The following LMTK2 variants were observed in gnomAD, a reference collection of about 807,000 sequenced individuals.
LMTK2 encodes the protein serine/threonine-protein kinase LMTK2.
LMTK2 carries 37 observed loss-of-function variants against 127.5 expected under a neutral mutation model. The ratio of observed to expected loss-of-function variants is 0.29; its 90% CI spans 0.22 to 0.38. The LOEUF is 0.38. Ranked by LOEUF, LMTK2 falls within the 10% of genes least tolerant of loss-of-function variation. The pLI, the probability that LMTK2 is intolerant of heterozygous loss-of-function variation, is 1.00. For missense variants in LMTK2, 1,694 were observed against 1,920.3 expected, an observed-to-expected ratio of 0.88 and a Z score of 2.20; for synonymous variants, 819 against 810.1, an observed-to-expected ratio of 1.01 and a Z score of -0.19.
intron 1 of LMTK2, among the ~76,000 whole-genome samples, chr7:98,126,947 C>T (rs866143419): frequency 6.6e-5 from 10 of 152,074 alleles, no homozygotes; most frequent in Non-Finnish European, 1.0e-4. Flanking sequence ...GATTCATGAA[C>T]GAGATCATCA....
intron 7 of LMTK2, among the ~76,000 whole-genome samples, chr7:98,176,627 T>C (rs999847485): frequency 8.5e-5 from 13 of 152,090 alleles, no homozygotes; most frequent in Non-Finnish European, 2.9e-5. Flanking sequence ...GGCAGATCAC[T>C]TGAGGTCAGG....
intron 6 of LMTK2, among the ~76,000 whole-genome samples, chr7:98,164,698 G>C (rs894831402): frequency 6.6e-6 from 1 of 152,188 alleles, no homozygotes; most frequent in African/African-American, 2.4e-5. Flanking sequence ...AGGGGATGCT[G>C]TGCCCTGGTG....
At chr7:98,114,663 C>T (rs1402863864) in intron 1 of LMTK2, among the ~76,000 whole-genome samples, 6 of 152,150 alleles carry the variant, frequency 3.9e-5, no homozygotes, top group African/African-American at 7.2e-5. Context: ...ACGGTCGCAT[C>T]GGGGTGTCTG....
At chr7:98,205,373 C>T in intron 13 of LMTK2, 91 bp from the exon 14 acceptor site, 1 of 1,489,116 alleles carries the variant, frequency 6.7e-7, no homozygotes, top group South Asian at 1.1e-5. Flanking sequence ...GCTTCCGTTC[C>T]TGTGGTGCAG....
rs942974779 is a variant in LMTK2 at position 98,204,196 on chromosome 7, G to A, written c.4483+10G>A. 6.2e-6 allele frequency: 10 copies of A among 1,601,640 alleles called. No individual in the cohort carries two copies. Among genetic ancestry groups the A allele is most frequent in the African/African-American group, 4.0e-5 (3 of 74,852 alleles). On this transcript the variant is annotated intron_variant, in intron 13 of 13. Coordinates refer to ENST00000297293, the MANE Select transcript of LMTK2 (RefSeq NM_014916.4). Reference sequence around the variant, plus strand: ...GACATCGAGCAGGGCGGTGAGAGGCGCTGCGTGCTGGGGATTGGGAGTGCA... The same window carrying A: ...GACATCGAGCAGGGCGGTGAGAGGCACTGCGTGCTGGGGATTGGGAGTGCA...
intron 10 of LMTK2, 129 bp downstream of exon 10, chr7:98,191,006 T>C: frequency 1.1e-6 from 1 of 887,626 alleles, no homozygotes; most frequent in South Asian, 1.7e-5. Flanking sequence ...CACCATGAGC[T>C]GAACTACTTA....
intron 7 of LMTK2, among the ~76,000 whole-genome samples, chr7:98,180,708 A>G (rs1424170780): frequency 6.6e-6 from 1 of 152,232 alleles, no homozygotes; most frequent in Admixed American, 6.5e-5. Flanking sequence ...AACATTTTTA[A>G]TAATGTGGAT....
chr7:98,167,697 T>A (rs563427989), intron 6 of LMTK2, among the ~76,000 whole-genome samples: 1 of 151,888 alleles, frequency 6.6e-6, no homozygotes, highest in South Asian at 2.1e-4. Context: ...GGAAGTTGAG[T>A]CAGGAGATGA....
intron 3 of LMTK2, among the ~76,000 whole-genome samples, chr7:98,147,777 AC>A (rs1321796856): frequency 6.6e-6 from 1 of 152,308 alleles, no homozygotes; most frequent in Admixed American, 6.5e-5. Context: ...GGAACACTTA[AC>A]TGTGCTTTTC....
intron 7 of LMTK2, among the ~76,000 whole-genome samples, chr7:98,173,514 C>G (rs1308238714): frequency 6.6e-6 from 1 of 151,924 alleles, no homozygotes; most frequent in African/African-American, 2.4e-5. Context: ...TATAGGAATT[C>G]TTAAATTTTG....
At chr7:98,154,641 A>T in intron 4 of LMTK2, 117 bp from the exon 5 acceptor site, 1 of 670,588 alleles carries the variant, frequency 1.5e-6, no homozygotes, top group Admixed American at 2.6e-5. Context: ...GTAAAAGAAT[A>T]GAAGGTCACC....
intron 1 of LMTK2, among the ~76,000 whole-genome samples, chr7:98,124,195 C>T (rs1796410062): frequency 6.6e-6 from 1 of 152,142 alleles, no homozygotes; most frequent in African/African-American, 2.4e-5. Context: ...TCCCCTTTTC[C>T]CTCCAGCTTC....
chr7:98,177,917 A>G (rs1797299525), intron 7 of LMTK2, among the ~76,000 whole-genome samples: 2 of 152,188 alleles, frequency 1.3e-5, no homozygotes, highest in African/African-American at 4.8e-5. Flanking sequence ...GTACGTCTCC[A>G]TCCCATCTTA....
At chr7:98,162,270 A>G (rs1177093853) in intron 6 of LMTK2, among the ~76,000 whole-genome samples, 1 of 152,354 alleles carries the variant, frequency 6.6e-6, no homozygotes, top group East Asian at 1.9e-4. Context: ...GTTACCATAA[A>G]TGACCCAGTG....
chr7:98,139,044 G>A (rs1355814990), intron 2 of LMTK2, among the ~76,000 whole-genome samples: 1 of 152,202 alleles, frequency 6.6e-6, no homozygotes, highest in Non-Finnish European at 1.5e-5. Flanking sequence ...GGAAGCTACA[G>A]TCTGGTAACA....
At chr7:98,137,741 T>C (rs1796615378) in intron 2 of LMTK2, among the ~76,000 whole-genome samples, 1 of 152,230 alleles carries the variant, frequency 6.6e-6, no homozygotes, top group Admixed American at 6.5e-5. Flanking sequence ...TGTAGTTTGC[T>C]CCGCCTCTGT....
rs1797853686 is a variant in LMTK2 at position 98,209,266 on chromosome 7, G to A, written c.*3774G>A. On this transcript the variant is annotated 3_prime_UTR_variant, in exon 14 of 14. Transcript: ENST00000297293. ...AGAAATTCTTAAAGATGCATTGACA[G>A]TGTTGAATTACCAACAGCCTGTGAA... 6.6e-6 allele frequency: 1 copy of A among 152,252 alleles called. No homozygotes were observed. The highest frequency in any genetic ancestry group is 2.1e-4 in the South Asian group (1 of 4,836). The allele number at this position is 152,252 out of a possible 1,614,324, so 9.4% of individuals were successfully genotyped here.
intron 11 of LMTK2, among the ~76,000 whole-genome samples, chr7:98,199,775 G>T (rs1225400840): frequency 2.0e-5 from 3 of 152,226 alleles, no homozygotes; most frequent in Non-Finnish European, 4.4e-5. Context: ...GATTACAGGC[G>T]TGAGCCACCG....
rs369532653 is a variant in LMTK2 at position 98,190,828 on chromosome 7, G to C, written c.1099G>C (p.Asp367His). The part of the protein sequence containing the change: ...DVLNQVIRER[D>H]TKLPKPQLEQ... ...CCTCAACCAAGTCATTAGAGAGAGA[G>C]ACACAAAACTCCCGAAGCCCCAGCT... is the stretch of plus-strand genomic sequence containing the variant. Residue 367 changes from aspartate (D) to histidine (H), a missense_variant, in exon 10 of 14, where the codon GAC (aspartate) becomes CAC (histidine). Asp to His is a moderately conservative substitution (Grantham distance 81). Transcript: ENST00000297293. The C allele has an allele frequency of 3.1e-6, 5 of 1,614,130 alleles. No individual in the cohort carries two copies. Among genetic ancestry groups the C allele is most frequent in the East Asian group, 2.2e-5 (1 of 44,878 alleles).
Sources: allele counts gnomAD v4.1 joint callset (sites outside exome capture counted in the v4.1 genomes callset), GRCh38; gene constraint gnomAD v4.1.1; transcripts MANE v1.5; gene names NCBI Gene and HGNC (gene_info 2026-07-23, HGNC 2026-07-21).